Variants in RBFOX1 observed in about 807,000 individuals in gnomAD.
The protein encoded by RBFOX1 is RNA binding protein fox-1 homolog 1.
RBFOX1 carries 8 observed loss-of-function variants against 57.7 expected under a neutral mutation model. That is an observed-to-expected ratio of 0.14 (90% CI 0.08 to 0.25). The LOEUF is 0.25. Ranked by LOEUF, RBFOX1 falls within the 10% of genes least tolerant of loss-of-function variation. RBFOX1 has a pLI of 1.00. For synonymous variants in RBFOX1, 326 were observed against 222.4 expected (o/e 1.47, Z -4.15); for missense variants, 611 against 548.5 (o/e 1.11, Z -1.14).
At chr16:5,293,870 G>T (rs1177854368) in intron 1 of RBFOX1, among the ~76,000 whole-genome samples, 1 of 152,156 alleles carries the variant, frequency 6.6e-6, no homozygotes, top group Non-Finnish European at 1.5e-5. Context: ...CATTGTGAAT[G>T]TATTTAATGA....
intron 3 of RBFOX1, among the ~76,000 whole-genome samples, chr16:6,684,049 C>T (rs1238765577): frequency 6.6e-6 from 1 of 152,130 alleles, no homozygotes; most frequent in African/African-American, 2.4e-5. Flanking sequence ...CTGTGGGCAT[C>T]CTCAAATTTG....
At chr16:7,203,397 G>C (rs886177058) in intron 4 of RBFOX1, among the ~76,000 whole-genome samples, 3 of 152,206 alleles carry the variant, frequency 2.0e-5, no homozygotes, top group Non-Finnish European at 4.4e-5. Context: ...GGAAAGGACA[G>C]TTATTGTTTA....
intron 3 of RBFOX1, among the ~76,000 whole-genome samples, chr16:6,702,695 G>A (rs909423149): frequency 6.6e-6 from 1 of 152,152 alleles, no homozygotes; most frequent in African/African-American, 2.4e-5. Context: ...ATCCTGTACG[G>A]CAGATACTGT....
At chr16:5,428,970 C>G (rs1050003111) in intron 1 of RBFOX1, among the ~76,000 whole-genome samples, 3 of 152,080 alleles carry the variant, frequency 2.0e-5, no homozygotes, top group Non-Finnish European at 4.4e-5. Flanking sequence ...GGCTTTTCCT[C>G]TCTTCCTAAC....
At chr16:7,685,047 C>G (rs1413288632) in intron 14 of RBFOX1, among the ~76,000 whole-genome samples, 35 of 152,066 alleles carry the variant, frequency 2.3e-4, no homozygotes, top group Non-Finnish European at 1.0e-4. Flanking sequence ...CAGACCAACA[C>G]CATTGGGCTC....
intron 1 of RBFOX1, among the ~76,000 whole-genome samples, chr16:6,293,898 G>T (rs1567869187): frequency 1.8e-5 from 1 of 54,962 alleles, no homozygotes; most frequent in Admixed American, 2.3e-4. Flanking sequence ...GGGTGAGCGG[G>T]GGGGTGGTGG....
intron 3 of RBFOX1, among the ~76,000 whole-genome samples, chr16:5,747,848 G>A (rs1350911634): frequency 2.0e-5 from 3 of 152,022 alleles, no homozygotes; most frequent in African/African-American, 4.8e-5. Flanking sequence ...TTGATTTTTT[G>A]AAGGGTTTTT....
In RBFOX1 at chr16:7,430,554, C is replaced by T. The variant is rs544548906; in HGVS notation, c.28-87593C>T. ...GCACGTGCCTGTAGTCCCAGCTACT[C>T]GAGAGGCTGAGGCAGAAGAATTGCT... is the stretch of plus-strand genomic sequence containing the variant. On this transcript the variant is annotated intron_variant, in intron 4 of 15. Coordinates refer to ENST00000550418, the MANE Select transcript of RBFOX1 (RefSeq NM_018723.4). Among the ~76,000 whole-genome samples the T allele has an allele frequency of 4.0e-5, 6 of 151,336 alleles. No homozygotes were observed. The South Asian group carries it at 1.0e-3, about 26-fold the overall frequency.
chr16:6,504,024 C>T (rs1390997309), intron 2 of RBFOX1, among the ~76,000 whole-genome samples: 1 of 152,170 alleles, frequency 6.6e-6, no homozygotes, highest in Non-Finnish European at 1.5e-5. Context: ...TATACGTATG[C>T]ATCTTTCTTA....
chr16:5,961,308 T>C (rs1460836516), intron 4 of RBFOX1, among the ~76,000 whole-genome samples: 1 of 152,174 alleles, frequency 6.6e-6, no homozygotes, highest in East Asian at 1.9e-4. Context: ...GTACTACTTA[T>C]CATTATTCCA....
intron 4 of RBFOX1, among the ~76,000 whole-genome samples, chr16:7,189,848 A>C (rs1206944724): frequency 6.6e-6 from 1 of 152,196 alleles, no homozygotes; most frequent in Non-Finnish European, 1.5e-5. Flanking sequence ...ACCATTGTAC[A>C]TCTTGATCGC....
chr16:7,567,100 T>C lies in RBFOX1; in HGVS notation c.271-12677T>C, dbSNP rs2091865045. On this transcript the variant is annotated intron_variant, in intron 5 of 15. Coordinates refer to ENST00000550418, the MANE Select transcript of RBFOX1 (RefSeq NM_018723.4). ...AGCTGGATATATATATATCTCCCTA[T>C]ATATGTATATCCATATATATCTCCC... 2.7e-5 allele frequency among the ~76,000 whole-genome samples: 4 copies of C among 150,620 alleles called. No homozygotes were observed. The South Asian group carries it at 6.3e-4, about 24-fold the overall frequency.
chr16:7,638,235 C>T (rs1402564732), intron 11 of RBFOX1, among the ~76,000 whole-genome samples: 1 of 152,160 alleles, frequency 6.6e-6, no homozygotes. Flanking sequence ...AGGCATTGTG[C>T]TAAGCCCTTC....
rs542988642 is a variant in RBFOX1, at chr16:7,038,582, A to T, written c.-15-13475A>T. 1.4e-4 allele frequency among the ~76,000 whole-genome samples: 21 copies of T among 152,290 alleles called. 1 individual carries two copies. The South Asian group carries it at 4.4e-3, about 32-fold the overall frequency. ...CGTGGTTTAGCTTGTAAAGGTGCTTACATGTGTCAGACCAGCCAGGCTCTT... is the reference window on the plus strand; with the variant it reads ...CGTGGTTTAGCTTGTAAAGGTGCTTTCATGTGTCAGACCAGCCAGGCTCTT... On this transcript the variant is annotated intron_variant, in intron 3 of 15. Transcript: ENST00000550418.
chr16:6,787,691 C>T (rs745801237), intron 3 of RBFOX1, among the ~76,000 whole-genome samples: 5 of 152,114 alleles, frequency 3.3e-5, no homozygotes, highest in Non-Finnish European at 5.9e-5. Context: ...GATTCATGAT[C>T]GTAGCATTCC....
chr16:5,291,331 C>G (rs2063530058), intron 1 of RBFOX1, among the ~76,000 whole-genome samples: 1 of 142,016 alleles, frequency 7.0e-6, no homozygotes, highest in South Asian at 2.2e-4. Flanking sequence ...GACGCGATCT[C>G]TGCTCACTGC....
chr16:7,041,620 C>G (rs1166726199), intron 3 of RBFOX1, among the ~76,000 whole-genome samples: 1 of 152,114 alleles, frequency 6.6e-6, no homozygotes, highest in Non-Finnish European at 1.5e-5. Context: ...CCCCTCGAAA[C>G]AGTCAGTACC....
At chr16:5,932,037 C>A (rs560404202) in intron 4 of RBFOX1, among the ~76,000 whole-genome samples, 1 of 152,256 alleles carries the variant, frequency 6.6e-6, no homozygotes, top group East Asian at 1.9e-4. Flanking sequence ...CTCTTGGACT[C>A]AAGCAGTCCT....
intron 1 of RBFOX1, among the ~76,000 whole-genome samples, chr16:5,241,823 G>A (rs1255327469): frequency 6.6e-6 from 1 of 152,150 alleles, no homozygotes; most frequent in Admixed American, 6.6e-5. Context: ...GTTCTTGGCC[G>A]GGCGTGGTGG....
Sources: gnomAD v4.1 joint callset for allele counts (sites outside exome capture counted in the v4.1 genomes callset) on GRCh38, gnomAD v4.1.1 for gene constraint, MANE v1.5 for transcripts, NCBI Gene and HGNC (gene_info 2026-07-23, HGNC 2026-07-21) for gene names.